Variants in CAMK4 observed in about 807,000 individuals in gnomAD.
The protein encoded by CAMK4 is calcium/calmodulin dependent protein kinase IV.
Under a neutral mutation model 44.9 loss-of-function variants are expected in CAMK4, and 22 were observed. The ratio of observed to expected loss-of-function variants is 0.49; its 90% CI spans 0.35 to 0.70. The LOEUF is 0.70. Ranked by LOEUF, CAMK4 falls within the 30% of genes least tolerant of loss-of-function variation. The probability of loss-of-function intolerance (pLI) is 0.01; values close to 1 mark genes in which losing one functional copy is unlikely to be tolerated. For synonymous variants in CAMK4, 218 were observed against 215.4 expected (o/e 1.01, Z -0.11); for missense variants, 498 against 586.8 (o/e 0.85, Z 1.56).
At chr5:111,378,362 C>G (rs1363698705) in intron 4 of CAMK4, among the ~76,000 whole-genome samples, 1 of 152,100 alleles carries the variant, frequency 6.6e-6, no homozygotes, top group African/African-American at 2.4e-5. Context: ...CTCAAATGGA[C>G]TAAGACACCT....
At chr5:111,277,312 G>A (rs1750808945) in intron 1 of CAMK4, among the ~76,000 whole-genome samples, 1 of 152,136 alleles carries the variant, frequency 6.6e-6, no homozygotes, top group South Asian at 2.1e-4. Flanking sequence ...TCTTGTAGCA[G>A]TTGGCTAAAA....
chr5:111,453,595 T>C (rs1454276317), intron 7 of CAMK4, among the ~76,000 whole-genome samples: 1 of 152,094 alleles, frequency 6.6e-6, no homozygotes, highest in African/African-American at 2.4e-5. Flanking sequence ...ACGCAGAGAC[T>C]GTTTTATATT....
intron 5 of CAMK4, among the ~76,000 whole-genome samples, chr5:111,400,572 A>G (rs1409177461): frequency 6.8e-6 from 1 of 146,666 alleles, no homozygotes; most frequent in Non-Finnish European, 1.5e-5. Flanking sequence ...TCCCCATTCC[A>G]TGCTAATTCT....
chr5:111,437,061 A>G (rs1753671354), intron 5 of CAMK4, among the ~76,000 whole-genome samples: 1 of 152,198 alleles, frequency 6.6e-6, no homozygotes, highest in Non-Finnish European at 1.5e-5. Context: ...GCCTTTCTCA[A>G]AGTGACAAGG....
At chr5:111,463,430 C>T (rs781626648) in intron 7 of CAMK4, among the ~76,000 whole-genome samples, 5 of 152,194 alleles carry the variant, frequency 3.3e-5, no homozygotes, top group Non-Finnish European at 7.3e-5. Flanking sequence ...AGACAAAGGA[C>T]ATAACCTCTT....
chr5:111,368,465 C>T (rs1407742747), intron 2 of CAMK4, among the ~76,000 whole-genome samples: 1 of 152,162 alleles, frequency 6.6e-6, no homozygotes, highest in Admixed American at 6.6e-5. Context: ...AAGGAGATGG[C>T]TATCAAGACC....
intron 2 of CAMK4, among the ~76,000 whole-genome samples, chr5:111,358,539 C>G (rs982458445): frequency 9.2e-5 from 14 of 151,490 alleles, no homozygotes; most frequent in African/African-American, 3.4e-4. Flanking sequence ...ACCTACCAAT[C>G]TGTCACTGGC....
chr5:111,332,058 C>T (rs1333204989), intron 1 of CAMK4, among the ~76,000 whole-genome samples: 1 of 151,476 alleles, frequency 6.6e-6, no homozygotes, highest in Non-Finnish European at 1.5e-5. Context: ...TGCTCACACC[C>T]ACACAATTTA....
At chr5:111,339,965 A>AT (rs531230872) in intron 1 of CAMK4, among the ~76,000 whole-genome samples, 34 of 151,094 alleles carry the variant, frequency 2.3e-4, no homozygotes, top group Admixed American at 9.9e-4. Context: ...ATTTCTAAGT[A>AT]TTTTATATCT....
At chr5:111,359,100 G>T (rs1750496381) in intron 2 of CAMK4, among the ~76,000 whole-genome samples, 1 of 151,994 alleles carries the variant, frequency 6.6e-6, no homozygotes. Flanking sequence ...CCCAGTAATG[G>T]GATTGCTGAG....
chr5:111,308,543 AAATT>A (rs1241334883), intron 1 of CAMK4, among the ~76,000 whole-genome samples: 2 of 152,220 alleles, frequency 1.3e-5, no homozygotes, highest in African/African-American at 4.8e-5. Flanking sequence ...TGAAACTTAA[AAATT>A]AATTTTGGGA....
At chr5:111,256,191 G>A (rs1312220788) in intron 1 of CAMK4, among the ~76,000 whole-genome samples, 1 of 152,166 alleles carries the variant, frequency 6.6e-6, no homozygotes, top group Admixed American at 6.5e-5. Context: ...ATCTCAAAAG[G>A]TGTGATTCTG....
chr5:111,292,956 A>T (rs1016215865), intron 1 of CAMK4, among the ~76,000 whole-genome samples: 1 of 152,182 alleles, frequency 6.6e-6, no homozygotes, highest in African/African-American at 2.4e-5. Context: ...ATCCTTTAAA[A>T]TGAATTTTTG....
intron 2 of CAMK4, among the ~76,000 whole-genome samples, chr5:111,366,759 G>A (rs1435664126): frequency 1.3e-5 from 2 of 152,032 alleles, no homozygotes; most frequent in African/African-American, 4.8e-5. Flanking sequence ...CATGGGGACA[G>A]ACAGGAAAAT....
At position 111,254,357 on chromosome 5, in the gene CAMK4, G is replaced by T. The variant is rs1283177736; in HGVS notation, c.161+29713G>T. 3.9e-5 allele frequency among the ~76,000 whole-genome samples: 6 copies of T among 152,320 alleles called. No homozygotes were observed. The South Asian group carries it at 1.2e-3, about 32-fold the overall frequency. On this transcript the variant is annotated intron_variant, in intron 1 of 10. Coordinates refer to ENST00000282356, the MANE Select transcript of CAMK4 (RefSeq NM_001744.6). ...GGAGGCTGGCAGAGATTGCTGCCACGTGGCCATGGCAGTGTGCGCTGTGAG... is the reference window on the plus strand; with the variant it reads ...GGAGGCTGGCAGAGATTGCTGCCACTTGGCCATGGCAGTGTGCGCTGTGAG...
At chr5:111,447,704 G>C (rs78319231) in intron 6 of CAMK4, among the ~76,000 whole-genome samples, 1 of 152,026 alleles carries the variant, frequency 6.6e-6, no homozygotes, top group African/African-American at 2.4e-5. Context: ...CTTCCTTATC[G>C]TGCTAATCTG....
At chr5:111,370,136 T>G (rs1038057122) in intron 2 of CAMK4, among the ~76,000 whole-genome samples, 3 of 152,136 alleles carry the variant, frequency 2.0e-5, no homozygotes, top group Non-Finnish European at 4.4e-5. Flanking sequence ...AATAATTACC[T>G]TTTTAAGAAA....
chr5:111,339,883 G>A (rs1488945505), intron 1 of CAMK4, among the ~76,000 whole-genome samples: 3 of 150,222 alleles, frequency 2.0e-5, no homozygotes, highest in Non-Finnish European at 4.5e-5. Context: ...ATTTTTTTGT[G>A]GTTTCTTCAA....
intron 8 of CAMK4, among the ~76,000 whole-genome samples, chr5:111,477,896 T>C (rs1050406709): frequency 6.6e-6 from 1 of 152,148 alleles, no homozygotes; most frequent in Non-Finnish European, 1.5e-5. Flanking sequence ...TAAAAATAAG[T>C]GAAAATTTCT....
Sources: allele counts gnomAD v4.1 joint callset (sites outside exome capture counted in the v4.1 genomes callset), GRCh38; gene constraint gnomAD v4.1.1; transcripts MANE v1.5; gene names NCBI Gene and HGNC (gene_info 2026-07-23, HGNC 2026-07-21).